The following TMX4 variants were observed in gnomAD, a reference collection of about 807,000 sequenced individuals.
The protein encoded by TMX4 is thioredoxin-related transmembrane protein 4.
A neutral mutation model predicts 33.3 loss-of-function variants in TMX4; 23 were observed. That is an observed-to-expected ratio of 0.69 (90% CI 0.50 to 0.98). The LOEUF (loss-of-function observed/expected upper bound fraction) is 0.98. Among genes scored for constraint, TMX4 ranks in the 50% least tolerant of loss-of-function variants. The pLI, the probability that TMX4 is intolerant of heterozygous loss-of-function variation, is 0.00. For synonymous variants in TMX4, 164 were observed against 161.5 expected (o/e 1.02, Z -0.12); for missense variants, 399 against 448.9 (o/e 0.89, Z 1.01).
intron 6 of TMX4, among the ~76,000 whole-genome samples, chr20:7,985,604 T>C (rs899916661): frequency 3.9e-5 from 6 of 152,136 alleles, no homozygotes; most frequent in Non-Finnish European, 5.9e-5. Flanking sequence ...AGATATGTGT[T>C]TGTTATTTTT....
chr20:7,990,701 G>T (rs2050650803), intron 5 of TMX4, among the ~76,000 whole-genome samples: 1 of 152,194 alleles, frequency 6.6e-6, no homozygotes, highest in African/African-American at 2.4e-5. Flanking sequence ...TGGATTTAGA[G>T]TTCACCTGTG....
In TMX4 at chr20:8,000,800, G is replaced by A. The variant is rs181098950; in HGVS notation, c.338+696C>T. Among the ~76,000 whole-genome samples the A allele has an allele frequency of 3.5e-3, 539 of 152,240 alleles. 2 individuals are homozygous for A. The highest frequency in any genetic ancestry group is 0.014 in the Middle Eastern group (4 of 294). On this transcript the variant is annotated intron_variant, in intron 3 of 7. Coordinates refer to ENST00000246024, the MANE Select transcript of TMX4 (RefSeq NM_021156.4). The stretch of plus-strand genomic sequence containing the variant: ...GGATCCTGACATCAAACTGTACCTA[G>A]ACTTCTCCATTTGGAACTGGGAAGG...
chr20:7,985,799 G>T (rs1301032874), intron 6 of TMX4, among the ~76,000 whole-genome samples: 1 of 151,930 alleles, frequency 6.6e-6, no homozygotes, highest in Non-Finnish European at 1.5e-5. Flanking sequence ...CTTTCTTCAG[G>T]CCAAGCCTCC....
chr20:7,999,707 AC>A, intron 4 of TMX4, 24 bp downstream of exon 4: 1 of 1,605,596 alleles, frequency 6.2e-7, no homozygotes, highest in Non-Finnish European at 8.5e-7. Context: ...TATTAGTAAC[AC>A]CTTGTCTTAA....
chr20:7,996,147 T>C (rs1175900481), intron 4 of TMX4, 76 bp from the exon 5 acceptor site: 4 of 1,210,794 alleles, frequency 3.3e-6, no homozygotes, highest in Non-Finnish European at 3.6e-6. Flanking sequence ...TCAGGAGGAC[T>C]GGTCTATTTC....
At chr20:7,997,457 T>C (rs138441638) in intron 4 of TMX4, among the ~76,000 whole-genome samples, 3,695 of 152,058 alleles carry the variant, frequency 0.024, 94 homozygotes, top group East Asian at 0.064. Context: ...TGCGCAGGCA[T>C]GCCACAATAC....
chr20:7,987,576 TA>T (rs1459619461), intron 5 of TMX4, among the ~76,000 whole-genome samples, 187 bp from the exon 6 acceptor site: 10 of 151,108 alleles, frequency 6.6e-5, no homozygotes, highest in Non-Finnish European at 1.2e-4. Flanking sequence ...AGGTCATTAC[TA>T]AAAAAAAAGT....
chr20:7,983,337 G>C (rs1371018462), intron 7 of TMX4, among the ~76,000 whole-genome samples: 1 of 152,160 alleles, frequency 6.6e-6, no homozygotes, highest in African/African-American at 2.4e-5. Context: ...AAAGTCTCAT[G>C]AACATCTTTA....
At chr20:7,993,957 A>G (rs1390385597) in intron 5 of TMX4, among the ~76,000 whole-genome samples, 2 of 152,162 alleles carry the variant, frequency 1.3e-5, no homozygotes, top group African/African-American at 4.8e-5. Context: ...ATATCTTGCT[A>G]TATACTTTTT....
At position 8,019,708 on chromosome 20, in the gene TMX4, G is replaced by C. The variant is rs552109036; in HGVS notation, c.-95C>G. 1.7e-6 allele frequency: 2 copies of C among 1,149,080 alleles called. No homozygotes were observed. The highest frequency in any genetic ancestry group is 2.2e-6 in the Non-Finnish European group (2 of 900,724). 71.2% of individuals were successfully genotyped at this position (1,149,080 alleles called of 1,614,324 possible). A position where few individuals can be genotyped will look rare whatever the true frequency, so the allele number is the denominator to read the frequency against. On this transcript the variant is annotated 5_prime_UTR_variant, in exon 1 of 8. Transcript: ENST00000246024. Reference sequence around the variant, plus strand: ...CGCCCGCCGGGTTTTTCAAGGAAGCGGGAGACGCAAGGGCCACCCCGCCTA... The same window carrying C: ...CGCCCGCCGGGTTTTTCAAGGAAGCCGGAGACGCAAGGGCCACCCCGCCTA...
At chr20:7,984,336 A>G (rs1414265431) in intron 6 of TMX4, among the ~76,000 whole-genome samples, 3 of 152,210 alleles carry the variant, frequency 2.0e-5, no homozygotes, top group Admixed American at 6.5e-5. Context: ...AGAGAACAGC[A>G]GCACCGCCTG....
At chr20:7,990,127 T>C (rs1040340544) in intron 5 of TMX4, among the ~76,000 whole-genome samples, 2 of 152,018 alleles carry the variant, frequency 1.3e-5, no homozygotes, top group African/African-American at 4.8e-5. Flanking sequence ...AAACCCTGTC[T>C]CTAACAAAAA....
At chr20:8,015,860 TAAGAA>T (rs1178874311) in intron 1 of TMX4, among the ~76,000 whole-genome samples, 1 of 152,118 alleles carries the variant, frequency 6.6e-6, no homozygotes, top group Admixed American at 6.5e-5. Flanking sequence ...AAAACAAAAA[TAAGAA>T]AAGGCAATAA....
intron 4 of TMX4, among the ~76,000 whole-genome samples, chr20:7,998,133 C>T (rs1460259814): frequency 6.6e-6 from 1 of 152,122 alleles, no homozygotes; most frequent in African/African-American, 2.4e-5. Context: ...GAACCATGAG[C>T]CAATTAAACA....
rs1156973707 is a variant in TMX4 at position 7,982,754 on chromosome 20, A to G, written c.680-133T>C. The G allele has an allele frequency of 3.2e-5, 33 of 1,020,432 alleles. No individual in the cohort carries two copies. In the Admixed American group the frequency reaches 8.1e-4, roughly 25 times the overall value. The allele number at this position is 1,020,432 out of a possible 1,614,324, so 63.2% of individuals were successfully genotyped here. A position where few individuals can be genotyped will look rare whatever the true frequency, so the allele number is the denominator to read the frequency against. ...TTCTATCTTGAAACTATGGTCATAT[A>G]GGACAGATTCTCTGGTTGGCATCCT... On this transcript the variant is annotated intron_variant, in intron 7 of 7. Transcript: ENST00000246024.
At chr20:7,999,344 T>C (rs890183572) in intron 4 of TMX4, among the ~76,000 whole-genome samples, 8 of 152,192 alleles carry the variant, frequency 5.3e-5, no homozygotes, top group Non-Finnish European at 7.3e-5. Flanking sequence ...TAATATATAA[T>C]AGCAATTCCT....
At position 7,979,935 on chromosome 20, in the gene TMX4, T is replaced by C. The variant is rs923561788; in HGVS notation, c.*2316A>G. On this transcript the variant is annotated 3_prime_UTR_variant, in exon 8 of 8. Coordinates refer to ENST00000246024, the MANE Select transcript of TMX4 (RefSeq NM_021156.4). The stretch of plus-strand genomic sequence containing the variant: ...ATTCATTTGTTTTATATACACCTTA[T>C]ACAACATAGCTTGAAGGTAATTTTA... 4.6e-5 allele frequency: 7 copies of C among 152,176 alleles called. No individual in the cohort carries two copies. The highest frequency in any genetic ancestry group is 1.7e-4 in the African/African-American group (7 of 41,442). The allele number at this position is 152,176 out of a possible 1,614,324, so 9.4% of individuals were successfully genotyped here.
chr20:7,982,603 T>A lies in TMX4; in HGVS notation c.698A>T (p.Glu233Val). 1.2e-6 allele frequency: 2 copies of A among 1,612,388 alleles called. No homozygotes were observed. The highest frequency in any genetic ancestry group is 1.7e-6 in the Non-Finnish European group (2 of 1,179,694). The change falls in exon 8 of 8, where the codon GAG (glutamate) becomes GTG (valine). Residue 233 changes from glutamate to valine, a missense_variant. Physicochemically the swap from Glu to Val is moderately radical, Grantham distance 121. Coordinates refer to ENST00000246024, the MANE Select transcript of TMX4 (RefSeq NM_021156.4). The part of the protein sequence containing the change: ...SERSEQNRRS[E>V]EAHRAEQLQD... ...CAACTGTTCAGCTCTATGAGCCTCCTCTGATCTCCGATTCTGCTCTATGGA... is the reference window on the plus strand; with the variant it reads ...CAACTGTTCAGCTCTATGAGCCTCCACTGATCTCCGATTCTGCTCTATGGA...
chr20:7,991,647 A>T (rs2050655411), intron 5 of TMX4, among the ~76,000 whole-genome samples: 1 of 152,246 alleles, frequency 6.6e-6, no homozygotes, highest in Non-Finnish European at 1.5e-5. Context: ...TGCTATCAGC[A>T]TTGGCTAAAA....
Sources: allele counts gnomAD v4.1 joint callset (sites outside exome capture counted in the v4.1 genomes callset), GRCh38; gene constraint gnomAD v4.1.1; transcripts MANE v1.5; gene names NCBI Gene and HGNC (gene_info 2026-07-23, HGNC 2026-07-21).